The following MYO7B variants were observed in gnomAD, a reference collection of about 807,000 sequenced individuals.
MYO7B encodes myosin VIIB, also known as unconventional myosin-VIIb.
In MYO7B, 212 loss-of-function variants were observed where a neutral mutation model predicts 259.7. The observed-to-expected ratio is 0.82, with a 90% CI of 0.73 to 0.91. MYO7B has a LOEUF of 0.91. Among genes scored for constraint, MYO7B ranks in the 40% least tolerant of loss-of-function variants. The pLI, the probability that MYO7B is intolerant of heterozygous loss-of-function variation, is 0.00. For synonymous variants in MYO7B, 1,197 were observed against 1,166.4 expected, an observed-to-expected ratio of 1.03 and a Z score of -0.54; for missense variants, 2,732 against 2,813.5, an observed-to-expected ratio of 0.97 and a Z score of 0.66.
chr2:127,546,313 A>T lies in MYO7B; in HGVS notation c.-24+10482A>T, dbSNP rs1573605829. Reference sequence around the variant, plus strand: ...AGCACAGGGTTGCTGTGGGGCTCAAATGAGAGAACCTGTGGAAAGTGCCCT... The same window carrying T: ...AGCACAGGGTTGCTGTGGGGCTCAATTGAGAGAACCTGTGGAAAGTGCCCT... On this transcript the variant is annotated intron_variant, in intron 1 of 47. Transcript: ENST00000409816. This position sits in a 1 kb window ranked among gnomAD's most constrained non-coding sequence, Gnocchi z 4.2. Among the ~76,000 whole-genome samples, 1 of 152,170 alleles carries T rather than the reference A, an allele frequency of 6.6e-6. No homozygotes were observed. The highest frequency in any genetic ancestry group is 2.1e-4 in the South Asian group (1 of 4,826).
intron 5 of MYO7B, among the ~76,000 whole-genome samples, chr2:127,567,450 C>T (rs1678401181): frequency 6.6e-6 from 1 of 152,134 alleles, no homozygotes; most frequent in Admixed American, 6.5e-5. Flanking sequence ...TCAGAGACTC[C>T]CTGCCTGGCC....
At chr2:127,633,450 G>GGT in intron 40 of MYO7B, 87 bp downstream of exon 40, 1 of 1,356,990 alleles carries the variant, frequency 7.4e-7, no homozygotes, top group Non-Finnish European at 1.0e-6. Flanking sequence ...CTGCTCCTTG[G>GGT]TAACCCCAGA....
At chr2:127,582,144 A>G (rs1679128244) in intron 11 of MYO7B, 134 bp downstream of exon 11, 8 of 1,482,122 alleles carry the variant, frequency 5.4e-6, no homozygotes, top group Non-Finnish European at 7.3e-6. Context: ...CTGCCTGGTG[A>G]CCATGGACTC....
At chr2:127,588,932 G>T (rs1317504797) in intron 15 of MYO7B, among the ~76,000 whole-genome samples, 2 of 150,708 alleles carry the variant, frequency 1.3e-5, no homozygotes, top group Non-Finnish European at 3.0e-5. Context: ...TGGATGGACG[G>T]GTGAATGGGT....
In MYO7B at chr2:127,636,849, C is replaced by T; in HGVS notation, c.6263C>T (p.Thr2088Ile). The T allele has an allele frequency of 6.2e-7, 1 of 1,613,696 alleles. No homozygotes were observed. Among genetic ancestry groups the T allele is most frequent in the Admixed American group, 1.7e-5 (1 of 60,030 alleles). The change falls in exon 47 of 48, where the codon ACC (threonine) becomes ATC (isoleucine). Residue 2088 changes from threonine (T) to isoleucine (I), a missense_variant. Thr to Ile is a moderately conservative substitution (Grantham distance 89). This residue lies in a region of MYO7B where 821 missense variants were observed against 769.3 expected (regional missense o/e 1.07). Coordinates refer to ENST00000409816, the MANE Select transcript of MYO7B (RefSeq NM_001393586.1). The surrounding 1 kb of genome is among the most constrained non-coding windows in gnomAD (Gnocchi z 4.5). ...ATCTCCAGCTGGAGCAGCGGCAGCA[C>T]CTACTTCCACATGGCGCTGGGGAGC... Reference protein sequence around the residue: ...TKISSWSSGSTYFHMALGSLG... With the variant: ...TKISSWSSGSIYFHMALGSLG...
intron 18 of MYO7B, 30 bp from the exon 19 acceptor site, chr2:127,596,432 A>C (rs1339190906): frequency 3.5e-5 from 54 of 1,561,168 alleles, no homozygotes; most frequent in Non-Finnish European, 4.7e-5. Context: ...GAGGGTGAGC[A>C]GCCCAGTGAC....
chr2:127,566,811 C>T lies in MYO7B; in HGVS notation c.454C>T (p.Gln152Ter). Residue 152 changes from glutamine to a stop codon, truncating the protein, a stop_gained, in exon 5 of 48, where the codon CAG becomes TAG. Transcript: ENST00000409816. LOFTEE classifies it high-confidence loss of function. ...CAGCATGAAGAGGAACAAGAGGGAC[C>T]AGTGCTGCATCATCAGGTGAGGCAG... is the stretch of plus-strand genomic sequence containing the variant. ...YFSMKRNKRD[Q>*]CCIISGESGA... 6.2e-7 allele frequency: 1 copy of T among 1,610,534 alleles called. No homozygotes were observed. The highest frequency in any genetic ancestry group is 8.5e-7 in the Non-Finnish European group (1 of 1,179,674).
chr2:127,564,194 C>T lies in MYO7B; in HGVS notation c.60C>T (p.Thr20=), dbSNP rs976009764. 9.5e-6 allele frequency: 15 copies of T among 1,576,606 alleles called. No homozygotes were observed. Among genetic ancestry groups the T allele is most frequent in the African/African-American group, 8.1e-5 (6 of 74,208 alleles). The change falls in exon 3 of 48, where the codon ACC becomes ACT. Residue 20 remains threonine, a synonymous_variant. Coordinates refer to ENST00000409816, the MANE Select transcript of MYO7B (RefSeq NM_001393586.1). ...TGGAGCCTCCCTCCACCCACAAGAC[C>T]GGCGTGGCCATCGGGGGCATCATCA... The part of the protein sequence containing the change: ...VWLEPPSTHK[T]GVAIGGIIKE...
chr2:127,565,346 G>A lies in MYO7B; in HGVS notation c.246G>A (p.Val82=), dbSNP rs1288463919. The A allele has an allele frequency of 2.5e-6, 4 of 1,614,062 alleles. No homozygotes were observed. The highest frequency in any genetic ancestry group is 3.4e-6 in the Non-Finnish European group (4 of 1,179,892). ...GGGACCTGAACGAGGCAGGCATGGT[G>A]CACAACCTCCTGATCCGCTACCAGC... The part of the protein sequence containing the change: ...RLGDLNEAGM[V]HNLLIRYQQH... Residue 82 remains valine, a synonymous_variant, in exon 4 of 48, where the codon GTG becomes GTA. Coordinates refer to ENST00000409816, the MANE Select transcript of MYO7B (RefSeq NM_001393586.1).
intron 30 of MYO7B, 51 bp downstream of exon 30, chr2:127,624,371 TC>T: frequency 6.6e-7 from 1 of 1,507,030 alleles, no homozygotes. Flanking sequence ...TCAGGAAACA[TC>T]CCATAGAGGA....
At chr2:127,570,826 C>A (rs908923249) in intron 6 of MYO7B, among the ~76,000 whole-genome samples, 1 of 150,692 alleles carries the variant, frequency 6.6e-6, no homozygotes, top group African/African-American at 2.5e-5. Context: ...TTTGTCTTTT[C>A]CAGAACGTCA....
At position 127,568,350 on chromosome 2, in the gene MYO7B, G is replaced by A. The variant is rs1238671483; in HGVS notation, c.471-1439G>A. Among the ~76,000 whole-genome samples the A allele has an allele frequency of 3.9e-5, 6 of 152,248 alleles. No homozygotes were observed. In the South Asian group the frequency reaches 6.2e-4, roughly 16 times the overall value. The stretch of plus-strand genomic sequence containing the variant: ...CCCCCTGATTTTGGTTCCTTGCAGT[G>A]AGCAGAATGTCACTTGTCACTTTGA... On this transcript the variant is annotated intron_variant, in intron 5 of 47. Transcript: ENST00000409816.
At position 127,620,418 on chromosome 2, in the gene MYO7B, G is replaced by A. The variant is rs1573703657; in HGVS notation, c.3477G>A (p.Leu1159=). The A allele has an allele frequency of 6.2e-7, 1 of 1,604,924 alleles. No homozygotes were observed. Among genetic ancestry groups the A allele is most frequent in the African/African-American group, 1.3e-5 (1 of 74,802 alleles). The change falls in exon 27 of 48, where the codon CTG becomes CTA. Residue 1159 remains leucine, a synonymous_variant. Coordinates refer to ENST00000409816, the MANE Select transcript of MYO7B (RefSeq NM_001393586.1). ...KTSSLARGWI[L]LSLCLGCFPP... is the part of the protein sequence containing the mutation. The stretch of plus-strand genomic sequence containing the variant: ...GCAGCCTGGCCCGGGGCTGGATCCT[G>A]CTCAGCCTCTGCCTCGGCTGCTTCC...
In MYO7B at chr2:127,582,566, C is replaced by G. The variant is rs150998048; in HGVS notation, c.1343+120C>G. The G allele has an allele frequency of 6.7e-5, 81 of 1,209,746 alleles. No homozygotes were observed. The African/African-American group carries it at 1.1e-3, about 17-fold the overall frequency. The allele number at this position is 1,209,746 out of a possible 1,614,324, so 74.9% of individuals were successfully genotyped here. On this transcript the variant is annotated intron_variant, in intron 12 of 47. Coordinates refer to ENST00000409816, the MANE Select transcript of MYO7B (RefSeq NM_001393586.1). ...CTGCACCCAGGCCTGGCGAGTCCCA[C>G]CAGATCCGTGTGCTCTGCATGGGGT...
chr2:127,591,840 T>C (rs2104973305), intron 16 of MYO7B, among the ~76,000 whole-genome samples: 1 of 152,312 alleles, frequency 6.6e-6, no homozygotes, highest in South Asian at 2.1e-4. Context: ...GCCATTTCTC[T>C]GCCAGTCACA....
chr2:127,571,442 GTT>G lies in MYO7B; in HGVS notation c.592+1548_592+1549del. Reference sequence around the variant, plus strand: ...AATTGGTCTATTTCCTTACCAGTGAGTTTTTTTTTTTTTTTTTGCTTGTTTGT... The same window carrying G: ...AATTGGTCTATTTCCTTACCAGTGAGTTTTTTTTTTTTTTTGCTTGTTTGT... On this transcript the variant is annotated intron_variant, in intron 6 of 47. Coordinates refer to ENST00000409816, the MANE Select transcript of MYO7B (RefSeq NM_001393586.1). Among the ~76,000 whole-genome samples the G allele has an allele frequency of 8.4e-3, 353 of 41,960 alleles. 8 individuals are homozygous for G. Among genetic ancestry groups the G allele is most frequent in the African/African-American group, 0.027 (336 of 12,328 alleles). The allele number at this position is 41,960 out of a possible 152,430, so 27.5% of individuals were successfully genotyped here.
rs771098222 is a variant in MYO7B, at chr2:127,609,854, C to A, written c.3030C>A (p.Ala1010=). Residue 1010 remains alanine, a synonymous_variant, in exon 24 of 48, where the codon GCC becomes GCA. Coordinates refer to ENST00000409816, the MANE Select transcript of MYO7B (RefSeq NM_001393586.1). This position sits in a 1 kb window ranked among gnomAD's most constrained non-coding sequence, Gnocchi z 6.9. ...YHEDDTDCLA[A]LVIWNVILRF... is the part of the protein sequence containing the mutation. ...CTTCTGTCTTGTTTCCCCAGGCCGC[C>A]CTGGTCATATGGAACGTCATCCTGA... The A allele has an allele frequency of 1.9e-6, 3 of 1,613,468 alleles. No homozygotes were observed. Among genetic ancestry groups the A allele is most frequent in the Non-Finnish European group, 2.5e-6 (3 of 1,179,652 alleles).
At position 127,609,426 on chromosome 2, in the gene MYO7B, C is replaced by T. The variant is rs371536392; in HGVS notation, c.2815-80C>T. The T allele has an allele frequency of 8.2e-6, 11 of 1,337,664 alleles. No individual in the cohort carries two copies. The highest frequency in any genetic ancestry group is 3.6e-4 in the Middle Eastern group (2 of 5,512). 82.9% of individuals were successfully genotyped at this position (1,337,664 alleles called of 1,614,324 possible). A position where few individuals can be genotyped will look rare whatever the true frequency, so the allele number is the denominator to read the frequency against. On this transcript the variant is annotated intron_variant, in intron 22 of 47. Coordinates refer to ENST00000409816, the MANE Select transcript of MYO7B (RefSeq NM_001393586.1). The surrounding 1 kb of genome is among the most constrained non-coding windows in gnomAD (Gnocchi z 6.9). Reference sequence around the variant, plus strand: ...GTAATGCAACAGCCCCCGTGCTGCCCGGCCTGCTGGACAGTCAGCTGATGG... The same window carrying T: ...GTAATGCAACAGCCCCCGTGCTGCCTGGCCTGCTGGACAGTCAGCTGATGG...
At chr2:127,620,692 G>C (rs1680802674) in intron 27 of MYO7B, among the ~76,000 whole-genome samples, 1 of 152,230 alleles carries the variant, frequency 6.6e-6, no homozygotes, top group Non-Finnish European at 1.5e-5. Flanking sequence ...AGGGTCTGCA[G>C]GGCCATTTCA....
Sources: gnomAD v4.1 joint callset for allele counts (sites outside exome capture counted in the v4.1 genomes callset) on GRCh38, gnomAD v4.1.1 for gene constraint, gnomAD v4.1.1 regional missense constraint, Gnocchi (gnomAD v3.1) non-coding constraint, MANE v1.5 for transcripts, NCBI Gene and HGNC (gene_info 2026-07-23, HGNC 2026-07-21) for gene names.